The following MYO18A variants were observed in gnomAD, a reference collection of about 807,000 sequenced individuals.
MYO18A encodes the protein unconventional myosin-XVIIIa.
A neutral mutation model predicts 235.8 loss-of-function variants in MYO18A; 78 were observed. The observed-to-expected ratio is 0.33, with a 90% CI of 0.28 to 0.40. MYO18A has a LOEUF of 0.40. MYO18A is among the 10% of genes least tolerant of loss of function. The pLI, the probability that MYO18A is intolerant of heterozygous loss-of-function variation, is 1.00. For synonymous variants in MYO18A, 977 were observed against 1,077.8 expected (o/e 0.91, Z 1.83); for missense variants, 2,215 against 2,699.3 (o/e 0.82, Z 3.98).
intron 41 of MYO18A, among the ~76,000 whole-genome samples, chr17:29,079,447 A>C (rs762747663): frequency 2.2e-4 from 33 of 152,240 alleles, no homozygotes; most frequent in Non-Finnish European, 4.4e-4. Flanking sequence ...AAGTGACTAA[A>C]GTGTGGAAGG....
At position 29,098,278 on chromosome 17, in the gene MYO18A, CAGA is replaced by C. The variant is rs899136824; in HGVS notation, c.3871-57_3871-55del. 5.0e-6 allele frequency: 8 copies of C among 1,612,434 alleles called. No homozygotes were observed. In the Admixed American group the frequency reaches 1.2e-4, roughly 24 times the overall value. ...AGTTGAAGTGCCTGCCTCACTCAGC[CAGA>C]ACACCTGGGGGACCTGCAGGGGCTG... On this transcript the variant is annotated intron_variant, in intron 24 of 41. Coordinates refer to ENST00000527372, the MANE Select transcript of MYO18A (RefSeq NM_078471.4).
Position 29,166,480 on chromosome 17 carries a change from G to C in MYO18A, c.461C>G (p.Ser154Trp), listed in dbSNP as rs1598397176. ...GGCGGCAGAGTGCTCTGAGGGCGTC[G>C]AGGTTTCTGAGGCGCTCTCATCCCG... ...RSRDESASET[S>W]TPSEHSAAPS... is the part of the protein sequence containing the mutation. Residue 154 changes from serine (S) to tryptophan (W), a missense_variant, in exon 2 of 42, where the codon TCG (serine) becomes TGG (tryptophan). Ser to Trp is a radical substitution (Grantham distance 177). Coordinates refer to ENST00000527372, the MANE Select transcript of MYO18A (RefSeq NM_078471.4). The C allele has an allele frequency of 1.2e-6, 2 of 1,613,630 alleles. No homozygotes were observed. The highest frequency in any genetic ancestry group is 1.7e-6 in the Non-Finnish European group (2 of 1,179,848).
At chr17:29,116,017 G>A (rs774873593) in intron 11 of MYO18A, among the ~76,000 whole-genome samples, 177 bp from the exon 12 acceptor site, 7 of 152,228 alleles carry the variant, frequency 4.6e-5, no homozygotes, top group Non-Finnish European at 1.0e-4. Context: ...CCTGTGTCCC[G>A]TGGGGATGGA....
At chr17:29,092,143 C>T (rs775957452) in intron 34 of MYO18A, among the ~76,000 whole-genome samples, 200 bp downstream of exon 34, 3 of 152,164 alleles carry the variant, frequency 2.0e-5, no homozygotes, top group Admixed American at 6.5e-5. Context: ...CTCTTCTGCC[C>T]GCTCCTCCCC....
chr17:29,130,521 CACACACAA>C (rs1305212270), intron 2 of MYO18A, among the ~76,000 whole-genome samples: 5 of 134,042 alleles, frequency 3.7e-5, no homozygotes, highest in African/African-American at 8.8e-5. Context: ...CACACACACA[CACACACAA>C]CCCTTTCAAA....
chr17:29,083,015 A>T (rs1180197103), intron 40 of MYO18A, among the ~76,000 whole-genome samples: 1 of 145,912 alleles, frequency 6.9e-6, no homozygotes, highest in East Asian at 2.0e-4. Flanking sequence ...AAGGAGGCCC[A>T]GGCCACATCC....
At chr17:29,159,231 T>C (rs1342298601) in intron 2 of MYO18A, among the ~76,000 whole-genome samples, 4 of 152,096 alleles carry the variant, frequency 2.6e-5, no homozygotes, top group African/African-American at 4.8e-5. Context: ...TGCTTCGCCC[T>C]GACAGTCCCC....
intron 1 of MYO18A, among the ~76,000 whole-genome samples, chr17:29,175,975 T>C (rs2068515974): frequency 6.6e-6 from 1 of 152,070 alleles, no homozygotes; most frequent in Non-Finnish European, 1.5e-5. Context: ...AGAGAATTGC[T>C]TGAACCCCGG....
rs934645057 is a variant in MYO18A at position 29,143,802 on chromosome 17, C to T, written c.1000-21549G>A. ...TTCTTGAACCCAATCCATTTCTGCT[C>T]CATCCTGTACTGAAGGGCACGCCAT... is the stretch of plus-strand genomic sequence containing the variant. On this transcript the variant is annotated intron_variant, in intron 2 of 41. Transcript: ENST00000527372. 3.3e-5 allele frequency among the ~76,000 whole-genome samples: 5 copies of T among 152,208 alleles called. No homozygotes were observed. The East Asian group carries it at 7.7e-4, about 23-fold the overall frequency.
chr17:29,090,651 C>T, intron 35 of MYO18A, 36 bp from the exon 36 acceptor site: 2 of 1,585,438 alleles, frequency 1.3e-6, no homozygotes, highest in South Asian at 2.3e-5. Flanking sequence ...AGCAGGATCC[C>T]CCATAAGCAT....
rs2279958 is a variant in MYO18A, at chr17:29,110,116, A to G, written c.3088-15T>C. 857,931 of 1,604,318 alleles carry G rather than the reference A, an allele frequency of 0.53. 235,554 individuals carry two copies. The highest frequency in any genetic ancestry group is 0.89 in the East Asian group (39,750 of 44,822). On this transcript the variant is annotated splice_polypyrimidine_tract_variant and intron_variant, in intron 18 of 41. Transcript: ENST00000527372. ...ATGAGGGCGTCCTGCCGAGGGGAAG[A>G]GACTGCCCTCAGTGGGCTCTGATGG... is the stretch of plus-strand genomic sequence containing the variant.
intron 2 of MYO18A, among the ~76,000 whole-genome samples, chr17:29,151,046 A>G (rs1390565800): frequency 3.9e-5 from 6 of 152,168 alleles, no homozygotes; most frequent in Non-Finnish European, 1.5e-5. Flanking sequence ...TTGTTAACAC[A>G]AGACCAGCCT....
At chr17:29,113,948 C>A in intron 15 of MYO18A, 63 bp downstream of exon 15, 1 of 1,371,894 alleles carries the variant, frequency 7.3e-7, no homozygotes, top group Non-Finnish European at 1.0e-6. Context: ...GAGGGCTCCA[C>A]CACGGGGAGA....
intron 2 of MYO18A, among the ~76,000 whole-genome samples, chr17:29,156,127 G>C (rs2068061559): frequency 6.6e-6 from 1 of 152,164 alleles, no homozygotes; most frequent in Non-Finnish European, 1.5e-5. Context: ...CTGTGACTGG[G>C]TAAGATCCTT....
intron 22 of MYO18A, 74 bp from the exon 23 acceptor site, chr17:29,099,043 C>T: frequency 2.5e-6 from 4 of 1,576,654 alleles, no homozygotes; most frequent in African/African-American, 2.7e-5. Flanking sequence ...GGATCCTCCC[C>T]ACCACCAGCA....
At chr17:29,115,911 GC>G (rs2067049030) in intron 11 of MYO18A, 71 bp from the exon 12 acceptor site, 1 of 1,499,428 alleles carries the variant, frequency 6.7e-7, no homozygotes, top group East Asian at 2.5e-5. Flanking sequence ...CTGATGACCA[GC>G]TGATGACTAT....
chr17:29,118,686 C>T lies in MYO18A; in HGVS notation c.1830-246G>A, dbSNP rs752922825. Among the ~76,000 whole-genome samples, 7 of 152,212 alleles carry T rather than the reference C, an allele frequency of 4.6e-5. No homozygotes were observed. Among genetic ancestry groups the T allele is most frequent in the South Asian group, 2.1e-4 (1 of 4,828 alleles). On this transcript the variant is annotated intron_variant, in intron 8 of 41. Transcript: ENST00000527372. The surrounding 1 kb of genome is among the most constrained non-coding windows in gnomAD (Gnocchi z 4.2). ...TGGTGAGAGGATGCAACCTGGCCCC[C>T]GGAAGGGAGCAGGGAACCTGCCCGA...
At chr17:29,113,961 G>T in intron 15 of MYO18A, 50 bp downstream of exon 15, 1 of 1,429,352 alleles carries the variant, frequency 7.0e-7, no homozygotes, top group Non-Finnish European at 9.7e-7. Flanking sequence ...CGGGGAGAGG[G>T]GTGGGGAACG....
intron 29 of MYO18A, 29 bp downstream of exon 29, chr17:29,094,907 G>A (rs769682376): frequency 1.2e-6 from 2 of 1,612,694 alleles, no homozygotes; most frequent in Non-Finnish European, 1.7e-6. Flanking sequence ...GAGGGGGACA[G>A]GGCACAGATG....
Sources: gnomAD v4.1 joint callset for allele counts (sites outside exome capture counted in the v4.1 genomes callset) on GRCh38, gnomAD v4.1.1 for gene constraint, Gnocchi (gnomAD v3.1) non-coding constraint, MANE v1.5 for transcripts, NCBI Gene and HGNC (gene_info 2026-07-23, HGNC 2026-07-21) for gene names.